INVS: variants seen among roughly 807,000 people sequenced by gnomAD.
INVS encodes the protein inversion of embryo turning homolog.
A neutral mutation model predicts 108.8 loss-of-function variants in INVS; 86 were observed. That is an observed-to-expected ratio of 0.79 (90% CI 0.66 to 0.95). INVS has a LOEUF of 0.95. Among genes scored for constraint, INVS ranks in the 40% least tolerant of loss-of-function variants. The pLI is 0.00. For synonymous variants in INVS, 455 were observed against 473.5 expected (o/e 0.96, Z 0.51); for missense variants, 1,169 against 1,297.4 (o/e 0.90, Z 1.52).
At chr9:100,195,196 T>G (rs1342792981) in intron 3 of INVS, among the ~76,000 whole-genome samples, 1 of 152,188 alleles carries the variant, frequency 6.6e-6, no homozygotes, top group Non-Finnish European at 1.5e-5. Flanking sequence ...AACTGATAAA[T>G]GATACACTGA....
intron 10 of INVS, among the ~76,000 whole-genome samples, chr9:100,263,096 T>C (rs904107635): frequency 6.6e-6 from 1 of 152,180 alleles, no homozygotes; most frequent in Non-Finnish European, 1.5e-5. Context: ...CTCCTGTCTT[T>C]TTTATTTTCT....
chr9:100,201,013 A>G (rs565488930), intron 3 of INVS, among the ~76,000 whole-genome samples: 33 of 152,362 alleles, frequency 2.2e-4, no homozygotes, highest in African/African-American at 7.5e-4. Flanking sequence ...AATACTGTCA[A>G]GCAGTCAAGC....
At chr9:100,258,013 G>C (rs1175009116) in intron 10 of INVS, among the ~76,000 whole-genome samples, 2 of 152,142 alleles carry the variant, frequency 1.3e-5, no homozygotes, top group African/African-American at 2.4e-5. Flanking sequence ...TTTCCAACTT[G>C]GTTCCATTCT....
chr9:100,131,239 G>A (rs1238794911), intron 3 of INVS, among the ~76,000 whole-genome samples: 3 of 152,012 alleles, frequency 2.0e-5, no homozygotes, highest in African/African-American at 7.2e-5. Context: ...TGTCTTGGTT[G>A]AATGAATTTT....
At chr9:100,234,434 C>A (rs1048991680) in intron 5 of INVS, among the ~76,000 whole-genome samples, 1 of 152,098 alleles carries the variant, frequency 6.6e-6, no homozygotes. Context: ...TCTTGATTCT[C>A]TACTTGTTTT....
intron 2 of INVS, among the ~76,000 whole-genome samples, chr9:100,108,032 A>T (rs1827231233): frequency 6.6e-6 from 1 of 152,202 alleles, no homozygotes; most frequent in Non-Finnish European, 1.5e-5. Context: ...ACTAAATTCC[A>T]TGAGAAAAAA....
In INVS at chr9:100,292,998, G is replaced by A. The variant is rs747987374; in HGVS notation, c.2741G>A (p.Arg914His). The A allele has an allele frequency of 3.2e-5, 51 of 1,613,768 alleles. No homozygotes were observed. Among genetic ancestry groups the A allele is most frequent in the Middle Eastern group, 1.7e-4 (1 of 6,048 alleles). The change falls in exon 14 of 17, where the codon CGC becomes CAC. Residue 914 changes from arginine to histidine, a missense_variant. Arg to His is a conservative substitution (Grantham distance 29). This residue lies in a region of INVS where 533 missense variants were observed against 536.0 expected (regional missense o/e 0.99). Transcript: ENST00000262457. Reference sequence around the variant, plus strand: ...GAACGAAGGAGGAAGGAGCTGTTTCGCAAAAAGAACAAGGCAGCAGCAGTC... The same window carrying A: ...GAACGAAGGAGGAAGGAGCTGTTTCACAAAAAGAACAAGGCAGCAGCAGTC... ...QRERRRKELF[R>H]KKNKAAAVIQ...
At chr9:100,140,447 A>G (rs1020126681) in intron 3 of INVS, among the ~76,000 whole-genome samples, 1 of 152,122 alleles carries the variant, frequency 6.6e-6, no homozygotes, top group African/African-American at 2.4e-5. Context: ...TCACAAGATA[A>G]TGTCATCAGT....
At chr9:100,210,132 CG>C (rs1295152915) in intron 3 of INVS, among the ~76,000 whole-genome samples, 2 of 152,130 alleles carry the variant, frequency 1.3e-5, no homozygotes, top group Non-Finnish European at 2.9e-5. Flanking sequence ...TTCTTACTAC[CG>C]TGTGTCCTTA....
intron 5 of INVS, among the ~76,000 whole-genome samples, chr9:100,236,705 A>AT (rs1831697353): frequency 1.3e-5 from 2 of 152,160 alleles, no homozygotes; most frequent in South Asian, 4.1e-4. Context: ...AACAGTAAAG[A>AT]TTGCTGCCTG....
chr9:100,100,656 T>A (rs1826827605), intron 1 of INVS, among the ~76,000 whole-genome samples: 1 of 34,526 alleles, frequency 2.9e-5, no homozygotes, highest in African/African-American at 1.8e-4. Flanking sequence ...GTATATATAA[T>A]ATATATATTA....
intron 3 of INVS, among the ~76,000 whole-genome samples, chr9:100,137,558 C>T (rs1828267261): frequency 7.5e-6 from 1 of 133,630 alleles, no homozygotes; most frequent in Non-Finnish European, 1.5e-5. Flanking sequence ...ACATTTGGTA[C>T]TCTGTGACCT....
chr9:100,289,102 TTTGTCA>T (rs957968769), intron 13 of INVS, among the ~76,000 whole-genome samples: 1 of 152,228 alleles, frequency 6.6e-6, no homozygotes, highest in African/African-American at 2.4e-5. Context: ...CTCCCCATAC[TTTGTCA>T]TATGTAGCTT....
At chr9:100,135,072 C>A (rs553970773) in intron 3 of INVS, among the ~76,000 whole-genome samples, 3 of 152,066 alleles carry the variant, frequency 2.0e-5, no homozygotes, top group Non-Finnish European at 4.4e-5. Context: ...TGTTCTGGAT[C>A]GGTGTGTGTG....
At chr9:100,297,581 C>G (rs1339018694) in intron 15 of INVS, among the ~76,000 whole-genome samples, 1 of 152,200 alleles carries the variant, frequency 6.6e-6, no homozygotes, top group Non-Finnish European at 1.5e-5. Flanking sequence ...GCTCAACACC[C>G]ATGCACTATA....
rs1208830188 is a variant in INVS, at chr9:100,252,590, C to G, written c.1234+152C>G. On this transcript the variant is annotated intron_variant, in intron 9 of 16. Coordinates refer to ENST00000262457, the MANE Select transcript of INVS (RefSeq NM_014425.5). ...AACATGGCATGAGGAACCTCAAGTT[C>G]TACTCCTAGCTCCACTTGTTGGGAG... The G allele has an allele frequency of 7.6e-6, 6 of 793,714 alleles. No homozygotes were observed. In the African/African-American group the frequency reaches 8.5e-5, roughly 11 times the overall value. The allele number at this position is 793,714 out of a possible 1,614,324, so 49.2% of individuals were successfully genotyped here.
intron 2 of INVS, among the ~76,000 whole-genome samples, chr9:100,106,541 T>G (rs1454690611): frequency 6.6e-6 from 1 of 152,166 alleles, no homozygotes; most frequent in East Asian, 1.9e-4. Context: ...TAGAAGTATA[T>G]TTCATTCTCA....
intron 5 of INVS, among the ~76,000 whole-genome samples, chr9:100,232,123 TTCA>T (rs939163996): frequency 1.2e-4 from 19 of 152,340 alleles, no homozygotes; most frequent in African/African-American, 4.3e-4. Context: ...TGAGCTTTTT[TTCA>T]TATGTTTTTT....
intron 3 of INVS, among the ~76,000 whole-genome samples, chr9:100,141,425 A>T (rs1308544912): frequency 2.0e-5 from 3 of 152,206 alleles, no homozygotes; most frequent in Non-Finnish European, 4.4e-5. Flanking sequence ...GTTTCACTGA[A>T]TACCAAGAGC....
Sources: allele counts gnomAD v4.1 joint callset (sites outside exome capture counted in the v4.1 genomes callset), GRCh38; gene constraint gnomAD v4.1.1; regional missense constraint gnomAD v4.1.1; transcripts MANE v1.5; gene names NCBI Gene and HGNC (gene_info 2026-07-23, HGNC 2026-07-21).